SLC30A10: variants seen among roughly 807,000 people sequenced by gnomAD.
SLC30A10 encodes calcium/manganese antiporter SLC30A10.
A neutral mutation model predicts 21.7 loss-of-function variants in SLC30A10; 8 were observed. That is an observed-to-expected ratio of 0.37 (90% CI 0.22 to 0.67). SLC30A10 has a LOEUF of 0.67. SLC30A10 is among the 30% of genes least tolerant of loss of function. The pLI, the probability that SLC30A10 is intolerant of heterozygous loss-of-function variation, is 0.58. For synonymous variants in SLC30A10, 272 were observed against 279.4 expected (o/e 0.97, Z 0.26); for missense variants, 521 against 642.5 (o/e 0.81, Z 2.04).
chr1:219,942,145 T>A (rs567873782), intron 1 of SLC30A10, among the ~76,000 whole-genome samples: 1 of 152,266 alleles, frequency 6.6e-6, no homozygotes, highest in Non-Finnish European at 1.5e-5. Flanking sequence ...TCAGACTTTT[T>A]GAAATCTTCA....
upstream of SLC30A10, chr1:219,928,749 G>C (rs1659913344): frequency 3.0e-6 from 1 of 334,192 alleles, no homozygotes; most frequent in East Asian, 6.3e-5. This position sits in a 1 kb window ranked among gnomAD's most constrained non-coding sequence, Gnocchi z 6.3. Flanking sequence ...GTCTCTCTTT[G>C]TGGGACAGGA....
At chr1:219,950,699 C>T (rs539760047) in intron 1 of SLC30A10, among the ~76,000 whole-genome samples, 2 of 151,914 alleles carry the variant, frequency 1.3e-5, no homozygotes, top group African/African-American at 2.4e-5. Flanking sequence ...CCCATGATCC[C>T]GGTACTTTGG....
intron 1 of SLC30A10, among the ~76,000 whole-genome samples, chr1:219,948,100 T>G (rs1461244645): frequency 5.5e-4 from 84 of 151,392 alleles, no homozygotes; most frequent in Middle Eastern, 3.4e-3. Flanking sequence ...CACTGCTCAA[T>G]GAAATAAAAG....
At chr1:219,942,970 G>A (rs1452678285) in intron 1 of SLC30A10, among the ~76,000 whole-genome samples, 7 of 152,100 alleles carry the variant, frequency 4.6e-5, no homozygotes, top group Non-Finnish European at 7.3e-5. Context: ...ACTTGAATCC[G>A]GGAGGCAGAG....
chr1:219,946,063 G>C (rs1660183861), intron 1 of SLC30A10, among the ~76,000 whole-genome samples: 2 of 152,110 alleles, frequency 1.3e-5, no homozygotes, highest in East Asian at 3.8e-4. Context: ...GATTTCTTTG[G>C]CTATTAATAC....
rs1165035299 is a variant in SLC30A10 at position 219,915,214 on chromosome 1, CA to C, written c.*234del. 12 of 548,650 alleles carry C rather than the reference CA, an allele frequency of 2.2e-5. No individual in the cohort carries two copies. The East Asian group carries it at 3.8e-4, about 17-fold the overall frequency. 34.0% of individuals were successfully genotyped at this position (548,650 alleles called of 1,614,324 possible). ...CAGTTTGCTTTAGAAAATGCATGTTCAAGCTGAAACAGTCAAAGAGCAGCAT... is the reference window on the plus strand; with the variant it reads ...CAGTTTGCTTTAGAAAATGCATGTTCAGCTGAAACAGTCAAAGAGCAGCAT... On this transcript the variant is annotated 3_prime_UTR_variant, in exon 4 of 4. Coordinates refer to ENST00000366926, the MANE Select transcript of SLC30A10 (RefSeq NM_018713.3).
At chr1:219,954,264 T>C (rs1660313770) in intron 1 of SLC30A10, among the ~76,000 whole-genome samples, 1 of 152,042 alleles carries the variant, frequency 6.6e-6, no homozygotes, top group African/African-American at 2.4e-5. Flanking sequence ...TCTGCAACAA[T>C]ACACTTTGCT....
chr1:219,945,682 G>T (rs1335997850), intron 1 of SLC30A10, among the ~76,000 whole-genome samples: 1 of 152,180 alleles, frequency 6.6e-6, no homozygotes, highest in Non-Finnish European at 1.5e-5. Context: ...AAGAGATAAT[G>T]TTTGAAAAAT....
intron 1 of SLC30A10, among the ~76,000 whole-genome samples, chr1:219,939,107 T>C (rs1472314497): frequency 6.6e-6 from 1 of 152,208 alleles, no homozygotes; most frequent in Non-Finnish European, 1.5e-5. Context: ...GAGAGCTTTC[T>C]TGGGGCTAGA....
intron 1 of SLC30A10, among the ~76,000 whole-genome samples, chr1:219,943,940 A>G (rs1660151040): frequency 6.6e-6 from 1 of 151,788 alleles, no homozygotes; most frequent in African/African-American, 2.4e-5. Context: ...TCTACTAAAA[A>G]ATATAAAAAA....
At position 219,915,946 on chromosome 1, in the gene SLC30A10, T is replaced by G; in HGVS notation, c.961A>C (p.Ser321Arg). Reference sequence around the variant, plus strand: ...ATTCCAGGCACAGCAGAGAGTTTACTCACTATAACAGAGAAGAGCAAACAA... The same window carrying G: ...ATTCCAGGCACAGCAGAGAGTTTACGCACTATAACAGAGAAGAGCAAACAA... ...PKGVNMEELM[S>R]KLSAVPGISS... The change falls in exon 4 of 4, where the codon AGT (serine) becomes CGT (arginine). Residue 321 changes from serine (S) to arginine (R), a missense_variant and splice_region_variant. Ser to Arg is a moderately radical substitution (Grantham distance 110). Coordinates refer to ENST00000366926, the MANE Select transcript of SLC30A10 (RefSeq NM_018713.3). 1 of 1,611,898 alleles carries G rather than the reference T, an allele frequency of 6.2e-7. No homozygotes were observed. The highest frequency in any genetic ancestry group is 8.5e-7 in the Non-Finnish European group (1 of 1,179,164).
rs1195189543 is a variant in SLC30A10 at position 219,918,758 on chromosome 1, G to A, written c.719-264C>T. 11 of 365,462 alleles carry A rather than the reference G, an allele frequency of 3.0e-5. No individual in the cohort carries two copies. The highest frequency in any genetic ancestry group is 7.2e-4 in the Middle Eastern group (1 of 1,394). The allele number at this position is 365,462 out of a possible 1,614,324, so 22.6% of individuals were successfully genotyped here. ...GACCTGCAGGAAGAGCGACTGTGCC[G>A]TCTCACTGGGCCACATCGCTACCAC... is the stretch of plus-strand genomic sequence containing the variant. On this transcript the variant is annotated intron_variant, in intron 2 of 3. Coordinates refer to ENST00000366926, the MANE Select transcript of SLC30A10 (RefSeq NM_018713.3). The surrounding 1 kb of genome is among the most constrained non-coding windows in gnomAD (Gnocchi z 4.4).
chr1:219,957,277 C>T (rs1048877667), intron 1 of SLC30A10, among the ~76,000 whole-genome samples: 1 of 152,056 alleles, frequency 6.6e-6, no homozygotes, highest in African/African-American at 2.4e-5. Flanking sequence ...ATATGTTCTA[C>T]CAACAGGAAA....
At chr1:219,953,185 G>C (rs1660292723) in intron 1 of SLC30A10, among the ~76,000 whole-genome samples, 1 of 152,206 alleles carries the variant, frequency 6.6e-6, no homozygotes, top group Non-Finnish European at 1.5e-5. Flanking sequence ...TAAGCATCAT[G>C]TTTCTTTAAA....
intron 1 of SLC30A10, among the ~76,000 whole-genome samples, chr1:219,954,422 G>A (rs551997056): frequency 6.6e-5 from 10 of 152,208 alleles, no homozygotes; most frequent in Admixed American, 5.9e-4. Context: ...GTTCACACCT[G>A]TAATCCCAGC....
chr1:219,944,360 A>G (rs772587423), intron 1 of SLC30A10, among the ~76,000 whole-genome samples: 1 of 151,772 alleles, frequency 6.6e-6, no homozygotes, highest in Non-Finnish European at 1.5e-5. Context: ...AGGCAGGAGA[A>G]TGGTGTGAAC....
At chr1:219,930,900 G>A (rs956520591), upstream of SLC30A10, among the ~76,000 whole-genome samples, 2 of 152,174 alleles carry the variant, frequency 1.3e-5, no homozygotes, top group East Asian at 1.9e-4. Context: ...TTCTATTATT[G>A]TTGTCAATAG....
chr1:219,951,677 C>T (rs950497863), intron 1 of SLC30A10, among the ~76,000 whole-genome samples: 16 of 150,750 alleles, frequency 1.1e-4, no homozygotes, highest in Admixed American at 2.6e-4. Flanking sequence ...GCCAAGATCG[C>T]GCCACTGCAC....
chr1:219,930,238 G>A (rs763004052), upstream of SLC30A10, among the ~76,000 whole-genome samples: 13 of 151,980 alleles, frequency 8.6e-5, no homozygotes, highest in Non-Finnish European at 1.8e-4. Context: ...TTGGAAGACC[G>A]AGGTGGGAGG....
Sources: gnomAD v4.1 joint callset for allele counts (sites outside exome capture counted in the v4.1 genomes callset) on GRCh38, gnomAD v4.1.1 for gene constraint, Gnocchi (gnomAD v3.1) non-coding constraint, MANE v1.5 for transcripts, NCBI Gene and HGNC (gene_info 2026-07-23, HGNC 2026-07-21) for gene names.